SCAF11: variants seen among roughly 807,000 people sequenced by gnomAD.
SCAF11 encodes the protein SR-related CTD associated factor 11, also known as protein SCAF11.
In SCAF11, 47 loss-of-function variants were observed where a neutral mutation model predicts 140.5. The ratio of observed to expected loss-of-function variants is 0.33; its 90% CI spans 0.26 to 0.43. SCAF11 has a LOEUF of 0.43. Among genes scored for constraint, SCAF11 ranks in the 20% least tolerant of loss-of-function variants. The pLI is 1.00. For missense variants in SCAF11, 1,645 were observed against 1,705.1 expected, an observed-to-expected ratio of 0.96 and a Z score of 0.62; for synonymous variants, 557 against 579.4, an observed-to-expected ratio of 0.96 and a Z score of 0.55.
At position 45,927,408 on chromosome 12, in the gene SCAF11, C is replaced by T. The variant is rs774382524; in HGVS notation, c.2293G>A (p.Glu765Lys). The T allele has an allele frequency of 1.9e-6, 3 of 1,613,942 alleles. No homozygotes were observed. The highest frequency in any genetic ancestry group is 2.7e-5 in the African/African-American group (2 of 74,990). The change falls in exon 11 of 15, where the codon GAA (glutamate) becomes AAA (lysine). Residue 765 changes from glutamate (E) to lysine (K), a missense_variant. By Grantham distance (56) the Glu-to-Lys change is moderately conservative (BLOSUM62 1). Around this residue, in one of 2 missense-constraint regions of SCAF11, gnomAD observed 1,582 missense variants for 1,609.2 expected, o/e 0.98. Coordinates refer to ENST00000369367, the MANE Select transcript of SCAF11 (RefSeq NM_004719.3). ...GGTTGAGAAACAGTTTCAACCTTTT[C>T]ATCCGCAAGATCAGAAGACGGCATA... ...NNMPSSDLADEKVETVSQPSE... is the reference protein window; with the variant it reads ...NNMPSSDLADKKVETVSQPSE...
In SCAF11 at chr12:45,953,123, A is replaced by C. The variant is rs575388653; in HGVS notation, c.220-1396T>G. Among the ~76,000 whole-genome samples, 5 of 152,194 alleles carry C rather than the reference A, an allele frequency of 3.3e-5. No homozygotes were observed. In the East Asian group the frequency reaches 9.6e-4, roughly 29 times the overall value. Reference sequence around the variant, plus strand: ...AGGAAATGTGACCTTACTATATTAAATTGGTTCAGACTGGAAGAAGCCAGT... The same window carrying C: ...AGGAAATGTGACCTTACTATATTAACTTGGTTCAGACTGGAAGAAGCCAGT... On this transcript the variant is annotated intron_variant, in intron 3 of 14. Transcript: ENST00000369367.
intron 3 of SCAF11, among the ~76,000 whole-genome samples, chr12:45,957,881 A>G (rs1945731523): frequency 6.6e-6 from 1 of 152,072 alleles, no homozygotes; most frequent in Admixed American, 6.6e-5. Flanking sequence ...ACTGTGGGAA[A>G]TAATGATTCC....
At chr12:45,952,276 T>C (rs1945568056) in intron 3 of SCAF11, among the ~76,000 whole-genome samples, 1 of 152,192 alleles carries the variant, frequency 6.6e-6, no homozygotes, top group South Asian at 2.1e-4. Flanking sequence ...TGGATATCCA[T>C]TGCATATGCA....
intron 11 of SCAF11, 150 bp from the exon 12 acceptor site, chr12:45,925,224 T>C (rs1165131007): frequency 1.6e-6 from 1 of 631,186 alleles, no homozygotes. Flanking sequence ...TTTAATCCTG[T>C]CATTTCTAAA....
chr12:45,925,016 A>C lies in SCAF11; in HGVS notation c.3618T>G (p.Asn1206Lys). 1 of 1,614,182 alleles carries C rather than the reference A, an allele frequency of 6.2e-7. No homozygotes were observed. Among genetic ancestry groups the C allele is most frequent in the Non-Finnish European group, 8.5e-7 (1 of 1,180,006 alleles). ...TTACATTCATTTGCGGTTGCATCAT[A>C]TTTATAGGTAGCTGAGAACCATCAA... ...QQVDGSQLPI[N>K]MMQPQMNVMQ... The change falls in exon 12 of 15, where the codon AAT becomes AAG. Residue 1206 changes from asparagine to lysine, a missense_variant. Asn to Lys is a moderately conservative substitution (Grantham distance 94). Around this residue, in one of 2 missense-constraint regions of SCAF11, gnomAD observed 1,582 missense variants for 1,609.2 expected, o/e 0.98. Transcript: ENST00000369367.
chr12:45,939,433 C>A (rs879881951), intron 6 of SCAF11, among the ~76,000 whole-genome samples: 1 of 152,156 alleles, frequency 6.6e-6, no homozygotes, highest in Admixed American at 6.6e-5. Flanking sequence ...CAGTGGTTCA[C>A]GCCTGTAATC....
intron 1 of SCAF11, among the ~76,000 whole-genome samples, chr12:45,983,742 A>AAC (rs55655357): frequency 0.097 from 13,026 of 133,826 alleles, 883 homozygotes; most frequent in African/African-American, 0.21. Flanking sequence ...CTAAACCTAA[A>AAC]ACACACACAC....
In SCAF11 at chr12:45,926,920, CCTTT is replaced by C; in HGVS notation, c.2777_2780del (p.Glu926GlyfsTer79). 6.2e-7 allele frequency: 1 copy of C among 1,613,072 alleles called. No homozygotes were observed. The highest frequency in any genetic ancestry group is 8.5e-7 in the Non-Finnish European group (1 of 1,180,006). ...TGGACCTAGACCACTTTCTGGTTCTCCTTTCTCTCTCTCTCCTCTGCCCATCTCT... is the reference window on the plus strand; with the variant it reads ...TGGACCTAGACCACTTTCTGGTTCTCCTCTCTCTCTCCTCTGCCCATCTCT... On this transcript the variant is annotated frameshift_variant, in exon 11 of 15. Transcript: ENST00000369367. LOFTEE classifies it high-confidence loss of function.
In SCAF11 at chr12:45,990,516, G is replaced by A. The variant is rs1946573154; in HGVS notation, c.-185C>T. 4 of 1,231,852 alleles carry A rather than the reference G, an allele frequency of 3.2e-6. No homozygotes were observed. The South Asian group carries it at 1.2e-4, about 38-fold the overall frequency. The allele number at this position is 1,231,852 out of a possible 1,614,324, so 76.3% of individuals were successfully genotyped here. On this transcript the variant is annotated 5_prime_UTR_variant, in exon 1 of 15. Transcript: ENST00000369367. ...TCCGCTGGCTCGGTCCGGAGGCGGC[G>A]GCGAAGCAGGGAGCGACCCAGGTTG...
At chr12:45,961,996 C>T in intron 2 of SCAF11, 139 bp from the exon 3 acceptor site, 1 of 525,242 alleles carries the variant, frequency 1.9e-6, no homozygotes, top group Non-Finnish European at 3.1e-6. Context: ...TTATAGCAAA[C>T]ATACTGCTTG....
intron 6 of SCAF11, among the ~76,000 whole-genome samples, chr12:45,937,634 C>CT (rs1445589853): frequency 6.6e-6 from 1 of 152,168 alleles, no homozygotes; most frequent in African/African-American, 2.4e-5. Context: ...ATGACATTAT[C>CT]TTTAAGTCTT....
Position 45,924,812 on chromosome 12 carries a change from C to T in SCAF11, c.3822G>A (p.Gln1274=), listed in dbSNP as rs1404152858. The T allele has an allele frequency of 1.9e-6, 3 of 1,613,682 alleles. No individual in the cohort carries two copies. The highest frequency in any genetic ancestry group is 2.5e-6 in the Non-Finnish European group (3 of 1,179,972). The change falls in exon 12 of 15, where the codon CAG becomes CAA. Residue 1274 remains glutamine (Q), a synonymous_variant. Coordinates refer to ENST00000369367, the MANE Select transcript of SCAF11 (RefSeq NM_004719.3). The stretch of plus-strand genomic sequence containing the variant: ...GAGGGGGTGGTGGTGGTGGTAGTCC[C>T]TGAGATACACTGGTAGGAGTGGCTA... ...MQVATPTSVS[Q]GLPPPPPPPP...
In SCAF11 at chr12:45,922,026, G is replaced by A. The variant is rs753436067; in HGVS notation, c.*22C>T. 1.9e-6 allele frequency: 3 copies of A among 1,601,524 alleles called. No homozygotes were observed. The highest frequency in any genetic ancestry group is 2.6e-6 in the Non-Finnish European group (3 of 1,176,384). On this transcript the variant is annotated 3_prime_UTR_variant, in exon 15 of 15. Transcript: ENST00000369367. ...TGCACTTTGCAGATATCCTGATAATGTCCTTGACAGCGTTCCCCATTTCAG... is the reference window on the plus strand; with the variant it reads ...TGCACTTTGCAGATATCCTGATAATATCCTTGACAGCGTTCCCCATTTCAG...
At position 45,927,150 on chromosome 12, in the gene SCAF11, G is replaced by A. The variant is rs2136506128; in HGVS notation, c.2551C>T (p.Pro851Ser). 1 of 1,613,958 alleles carries A rather than the reference G, an allele frequency of 6.2e-7. No homozygotes were observed. The highest frequency in any genetic ancestry group is 1.3e-5 in the African/African-American group (1 of 74,974). Residue 851 changes from proline to serine, a missense_variant, in exon 11 of 15, where the codon CCA (proline) becomes TCA (serine). By Grantham distance (74) the Pro-to-Ser change is moderately conservative. This residue lies in a region of SCAF11 where 1,582 missense variants were observed against 1,609.2 expected (regional missense o/e 0.98). Coordinates refer to ENST00000369367, the MANE Select transcript of SCAF11 (RefSeq NM_004719.3). Reference protein sequence around the residue: ...RGRKKSRSQSPKKDIARERRQ... With the variant: ...RGRKKSRSQSSKKDIARERRQ... ...CTTTCTCTTGCAATATCCTTTTTTG[G>A]GGACTGAGAACGGGATTTTTTCCGG...
intron 3 of SCAF11, chr12:45,961,351 G>T: frequency 1.4e-6 from 1 of 715,538 alleles, no homozygotes. Flanking sequence ...AAAGCAGACA[G>T]AAGGTGTTAT....
intron 1 of SCAF11, among the ~76,000 whole-genome samples, chr12:45,967,937 C>T (rs1328816699): frequency 6.6e-6 from 1 of 152,172 alleles, no homozygotes; most frequent in African/African-American, 2.4e-5. Flanking sequence ...AAAAGCTTTG[C>T]TTTGAATATC....
chr12:45,986,192 T>G (rs548606096), intron 1 of SCAF11, among the ~76,000 whole-genome samples: 1 of 152,314 alleles, frequency 6.6e-6, no homozygotes, highest in Admixed American at 6.5e-5. Flanking sequence ...GCCAATACTC[T>G]TCCTCTGAAT....
intron 3 of SCAF11, chr12:45,960,955 A>C (rs1435280254): frequency 5.6e-6 from 1 of 178,558 alleles, no homozygotes; most frequent in Non-Finnish European, 1.2e-5. Context: ...TATGAACAAT[A>C]ATTTTTTACT....
chr12:45,972,930 A>T (rs1271534856), intron 1 of SCAF11, among the ~76,000 whole-genome samples: 3 of 71,024 alleles, frequency 4.2e-5, no homozygotes, highest in Admixed American at 2.4e-4. Flanking sequence ...AGATATATAG[A>T]TATATATAGA....
Sources: allele counts gnomAD v4.1 joint callset (sites outside exome capture counted in the v4.1 genomes callset), GRCh38; gene constraint gnomAD v4.1.1; regional missense constraint gnomAD v4.1.1; transcripts MANE v1.5; gene names NCBI Gene and HGNC (gene_info 2026-07-23, HGNC 2026-07-21).